Variants in PRKCB observed in about 807,000 individuals in gnomAD.
PRKCB encodes the protein protein kinase C beta type.
PRKCB carries 13 observed loss-of-function variants against 81.5 expected under a neutral mutation model. The ratio of observed to expected loss-of-function variants is 0.16; its 90% CI spans 0.10 to 0.25. The LOEUF is 0.25. PRKCB is among the 10% of genes least tolerant of loss of function. The pLI, the probability that PRKCB is intolerant of heterozygous loss-of-function variation, is 1.00. For missense variants in PRKCB, 509 were observed against 875.7 expected (o/e 0.58, Z 5.29); for synonymous variants, 335 against 321.4 (o/e 1.04, Z -0.45).
intron 5 of PRKCB, 97 bp from the exon 6 acceptor site, chr16:24,092,694 G>A: frequency 3.3e-6 from 4 of 1,205,916 alleles, no homozygotes; most frequent in Non-Finnish European, 4.7e-6. Context: ...AAACAAGTGT[G>A]ATGCCAAAGA....
intron 3 of PRKCB, among the ~76,000 whole-genome samples, chr16:23,997,806 C>T (rs1171545032): frequency 2.6e-5 from 4 of 152,190 alleles, no homozygotes; most frequent in African/African-American, 7.2e-5. Flanking sequence ...AATTGTATCA[C>T]ATCAGGTGGA....
intron 2 of PRKCB, among the ~76,000 whole-genome samples, chr16:23,949,751 T>A (rs190926639): frequency 8.5e-4 from 129 of 152,298 alleles, no homozygotes; most frequent in African/African-American, 3.0e-3. Context: ...CAGGTACCAG[T>A]TGTTGAGGTG....
At chr16:24,023,924 G>C (rs1473001031) in intron 3 of PRKCB, among the ~76,000 whole-genome samples, 1 of 152,186 alleles carries the variant, frequency 6.6e-6, no homozygotes, top group African/African-American at 2.4e-5. Context: ...CTGAGCCAAG[G>C]CAATTATAGA....
At chr16:23,997,940 T>C (rs1056778685) in intron 3 of PRKCB, among the ~76,000 whole-genome samples, 1 of 152,212 alleles carries the variant, frequency 6.6e-6, no homozygotes, top group Non-Finnish European at 1.5e-5. Context: ...TTGACTGGGC[T>C]AAGGGGGGTA....
chr16:24,208,823 G>A (rs571859933), intron 16 of PRKCB, among the ~76,000 whole-genome samples: 1 of 152,322 alleles, frequency 6.6e-6, no homozygotes, highest in East Asian at 1.9e-4. Flanking sequence ...GTCAGTGACA[G>A]CTCCATTTGA....
chr16:24,167,977 G>A (rs1192566834), intron 10 of PRKCB, among the ~76,000 whole-genome samples: 7 of 152,168 alleles, frequency 4.6e-5, no homozygotes, highest in Non-Finnish European at 1.0e-4. Context: ...AGCTCATCAC[G>A]TGGTAAGTAC....
intron 3 of PRKCB, among the ~76,000 whole-genome samples, chr16:24,022,373 G>A (rs1169462093): frequency 1.3e-5 from 2 of 152,094 alleles, no homozygotes; most frequent in South Asian, 4.2e-4. Flanking sequence ...AAACTAGAAA[G>A]TTTATTACTT....
At chr16:24,051,926 A>G (rs1323933853) in intron 5 of PRKCB, among the ~76,000 whole-genome samples, 1 of 151,954 alleles carries the variant, frequency 6.6e-6, no homozygotes, top group Non-Finnish European at 1.5e-5. Context: ...CCTGGCCAAC[A>G]TGGTGAAACC....
At chr16:23,953,276 TC>T in intron 2 of PRKCB, among the ~76,000 whole-genome samples, 1 of 152,280 alleles carries the variant, frequency 6.6e-6, no homozygotes, top group South Asian at 2.1e-4. Context: ...GGTTTTATTT[TC>T]CAATATTGAC....
chr16:24,090,851 G>T (rs1157538902), intron 5 of PRKCB, among the ~76,000 whole-genome samples: 2 of 152,144 alleles, frequency 1.3e-5, no homozygotes, highest in African/African-American at 2.4e-5. Flanking sequence ...GTGAGCAAAG[G>T]TTGCAGGAAA....
At chr16:24,104,148 T>C (rs1966547287) in intron 7 of PRKCB, among the ~76,000 whole-genome samples, 1 of 152,234 alleles carries the variant, frequency 6.6e-6, no homozygotes, top group Non-Finnish European at 1.5e-5. Context: ...TTTTGTTTGC[T>C]TGAGCTAAAT....
intron 16 of PRKCB, chr16:24,208,353 C>T (rs1968080362): frequency 6.6e-6 from 1 of 152,188 alleles, no homozygotes. Context: ...CAGCAAGACT[C>T]TGTTATTAAT....
At chr16:23,906,586 TACTC>T (rs1407781885) in intron 2 of PRKCB, among the ~76,000 whole-genome samples, 4 of 152,214 alleles carry the variant, frequency 2.6e-5, no homozygotes, top group African/African-American at 9.6e-5. Context: ...AAAGGCCTCT[TACTC>T]AATGAGATTA....
intron 2 of PRKCB, among the ~76,000 whole-genome samples, chr16:23,984,228 A>G (rs1243342433): frequency 6.6e-6 from 1 of 152,228 alleles, no homozygotes; most frequent in African/African-American, 2.4e-5. Flanking sequence ...AATAGTCATG[A>G]TATGGTTGGC....
rs558850866 is a variant in PRKCB at position 23,984,975 on chromosome 16, A to G, written c.206-3533A>G. On this transcript the variant is annotated intron_variant, in intron 2 of 16. Transcript: ENST00000643927. Reference sequence around the variant, plus strand: ...ATTATTTGGGGTAATACGGTTTTCTATCTGGAAAACTCAAAGGAAGCAACT... The same window carrying G: ...ATTATTTGGGGTAATACGGTTTTCTGTCTGGAAAACTCAAAGGAAGCAACT... 2.4e-4 allele frequency among the ~76,000 whole-genome samples: 36 copies of G among 152,342 alleles called. No homozygotes were observed. The South Asian group carries it at 7.0e-3, about 30-fold the overall frequency.
chr16:23,925,143 T>A (rs1963879206), intron 2 of PRKCB, among the ~76,000 whole-genome samples: 1 of 152,080 alleles, frequency 6.6e-6, no homozygotes, highest in Non-Finnish European at 1.5e-5. Context: ...TGGAGCACAA[T>A]GACTAGAAGA....
rs987250147 is a variant in PRKCB at position 23,888,073 on chromosome 16, C to T, written c.205+50667C>T. ...TGCTGAACTCTCATTTCTCCCTCCT[C>T]CTTTAGCGCATCAAGTCCCCTTCTT... On this transcript the variant is annotated intron_variant, in intron 2 of 16. Transcript: ENST00000643927. 2.6e-5 allele frequency among the ~76,000 whole-genome samples: 4 copies of T among 152,338 alleles called. No individual in the cohort carries two copies. In the South Asian group the frequency reaches 8.3e-4, roughly 32 times the overall value.
chr16:24,188,798 A>G (rs572788812), intron 15 of PRKCB, among the ~76,000 whole-genome samples: 1 of 152,334 alleles, frequency 6.6e-6, no homozygotes, highest in Non-Finnish European at 1.5e-5. Context: ...GACCTTAGGC[A>G]GATGACTTTA....
intron 2 of PRKCB, among the ~76,000 whole-genome samples, chr16:23,872,907 G>A (rs543970034): frequency 5.5e-4 from 84 of 152,054 alleles, no homozygotes; most frequent in Middle Eastern, 3.4e-3. Context: ...GCCCGGCGTG[G>A]TGTCTCATGC....
Sources: gnomAD v4.1 joint callset for allele counts (sites outside exome capture counted in the v4.1 genomes callset) on GRCh38, gnomAD v4.1.1 for gene constraint, MANE v1.5 for transcripts, NCBI Gene and HGNC (gene_info 2026-07-23, HGNC 2026-07-21) for gene names.